RSRC1: variants seen among roughly 807,000 people sequenced by gnomAD.
RSRC1 encodes the protein serine/Arginine-related protein 53.
A neutral mutation model predicts 49.1 loss-of-function variants in RSRC1; 39 were observed. The ratio of observed to expected loss-of-function variants is 0.79; its 90% CI spans 0.61 to 1.04. RSRC1 has a LOEUF of 1.04. Among genes scored for constraint, RSRC1 ranks in the 50% least tolerant of loss-of-function variants. The probability of loss-of-function intolerance (pLI) is 0.00; values close to 1 mark genes in which losing one functional copy is unlikely to be tolerated. For missense variants in RSRC1, 388 were observed against 402.4 expected, an observed-to-expected ratio of 0.96 and a Z score of 0.31; for synonymous variants, 143 against 130.8, an observed-to-expected ratio of 1.09 and a Z score of -0.63.
At chr3:158,487,533 G>T (rs149601540) in intron 7 of RSRC1, among the ~76,000 whole-genome samples, 1,641 of 152,200 alleles carry the variant, frequency 0.011, 31 homozygotes, top group African/African-American at 0.038. Flanking sequence ...CACATGAAAG[G>T]TCAACTAAGT....
intron 7 of RSRC1, among the ~76,000 whole-genome samples, chr3:158,485,536 C>G (rs143443947): frequency 2.0e-5 from 3 of 152,058 alleles, no homozygotes; most frequent in African/African-American, 7.2e-5. Context: ...AATTAAAACC[C>G]ATGTGGCTAG....
chr3:158,202,906 C>G (rs1359377153), intron 3 of RSRC1, among the ~76,000 whole-genome samples, 166 bp from the exon 4 acceptor site: 2 of 152,048 alleles, frequency 1.3e-5, no homozygotes, highest in Non-Finnish European at 2.9e-5. Context: ...TAAGTGAGAG[C>G]ATTTACTTAT....
At chr3:158,226,485 G>T (rs1269959503) in intron 4 of RSRC1, among the ~76,000 whole-genome samples, 1 of 151,886 alleles carries the variant, frequency 6.6e-6, no homozygotes. Context: ...ATATGTAACT[G>T]TTGCTTATAT....
At chr3:158,391,919 T>G (rs1183187639) in intron 6 of RSRC1, among the ~76,000 whole-genome samples, 1 of 152,102 alleles carries the variant, frequency 6.6e-6, no homozygotes, top group Non-Finnish European at 1.5e-5. Flanking sequence ...CACTTTATAA[T>G]GTAAAGCACA....
intron 6 of RSRC1, among the ~76,000 whole-genome samples, chr3:158,398,697 A>G (rs947058253): frequency 6.6e-6 from 1 of 152,166 alleles, no homozygotes; most frequent in Non-Finnish European, 1.5e-5. Context: ...CCTGTCTGCT[A>G]TAATCTATAG....
intron 4 of RSRC1, among the ~76,000 whole-genome samples, chr3:158,206,118 T>G (rs1344457351): frequency 6.6e-6 from 1 of 152,226 alleles, no homozygotes; most frequent in Non-Finnish European, 1.5e-5. Context: ...ATTTCTGGCT[T>G]AAACTATGAG....
chr3:158,135,268 T>C (rs1716294450), intron 3 of RSRC1, among the ~76,000 whole-genome samples: 1 of 118,112 alleles, frequency 8.5e-6, no homozygotes, highest in African/African-American at 3.7e-5. Context: ...CAAATTATAG[T>C]GTAATTTTTT....
At chr3:158,267,664 T>G (rs1333850902) in intron 4 of RSRC1, among the ~76,000 whole-genome samples, 1 of 151,928 alleles carries the variant, frequency 6.6e-6, no homozygotes, top group Non-Finnish European at 1.5e-5. Flanking sequence ...TGCTTTTACC[T>G]TTAGAATTTT....
chr3:158,478,344 C>T (rs1389766159), intron 7 of RSRC1, among the ~76,000 whole-genome samples: 1 of 151,122 alleles, frequency 6.6e-6, no homozygotes, highest in Non-Finnish European at 1.5e-5. Context: ...CTTTATCTAA[C>T]CTACATCTAT....
At chr3:158,211,473 A>C (rs1422046274) in intron 4 of RSRC1, among the ~76,000 whole-genome samples, 2 of 151,934 alleles carry the variant, frequency 1.3e-5, no homozygotes, top group Admixed American at 6.6e-5. Context: ...TAGATTCAAA[A>C]CTAGCTTCTT....
At chr3:158,309,930 G>A (rs1052181096) in intron 5 of RSRC1, among the ~76,000 whole-genome samples, 3 of 151,546 alleles carry the variant, frequency 2.0e-5, no homozygotes, top group Admixed American at 1.3e-4. Flanking sequence ...CTATTCTGTA[G>A]CATTTAAGAT....
chr3:158,385,668 T>C (rs1225902660), intron 6 of RSRC1, among the ~76,000 whole-genome samples: 2 of 152,186 alleles, frequency 1.3e-5, no homozygotes, highest in Non-Finnish European at 2.9e-5. Context: ...TTTTTTTAAA[T>C]GTTTTCATTT....
rs1286282212 is a variant in RSRC1, at chr3:158,229,357, CAT to C, written c.494+26116_494+26117del. Among the ~76,000 whole-genome samples the C allele has an allele frequency of 3.7e-3, 316 of 84,906 alleles. 1 individual carries two copies. Among genetic ancestry groups the C allele is most frequent in the African/African-American group, 9.7e-3 (290 of 29,850 alleles). 55.7% of individuals were successfully genotyped at this position (84,906 alleles called of 152,430 possible). ...ATGTGTATGTATGTATATATATACACATATACACACGTATATGTGTATGTATG... is the reference window on the plus strand; with the variant it reads ...ATGTGTATGTATGTATATATATACACATACACACGTATATGTGTATGTATG... On this transcript the variant is annotated intron_variant, in intron 4 of 9. Transcript: ENST00000611884.
intron 4 of RSRC1, among the ~76,000 whole-genome samples, chr3:158,213,339 T>G (rs1215556788): frequency 6.6e-6 from 1 of 151,898 alleles, no homozygotes. Flanking sequence ...CAACATATCT[T>G]AGATTTCAAG....
At chr3:158,521,064 GACATA>G (rs1205944169) in intron 7 of RSRC1, among the ~76,000 whole-genome samples, 1 of 152,054 alleles carries the variant, frequency 6.6e-6, no homozygotes, top group Non-Finnish European at 1.5e-5. Flanking sequence ...CAAATTTTGA[GACATA>G]ACAGAATGAT....
At chr3:158,472,327 A>G (rs1195146338) in intron 7 of RSRC1, among the ~76,000 whole-genome samples, 1 of 152,032 alleles carries the variant, frequency 6.6e-6, no homozygotes, top group African/African-American at 2.4e-5. Flanking sequence ...AAATATTCTC[A>G]CAGACTTTCA....
chr3:158,209,823 A>G (rs1391963195), intron 4 of RSRC1, among the ~76,000 whole-genome samples: 2 of 152,134 alleles, frequency 1.3e-5, no homozygotes, highest in African/African-American at 4.8e-5. Context: ...GGATGGTGGT[A>G]CTTAAAAAGC....
chr3:158,155,886 A>G (rs1238683866), intron 3 of RSRC1, among the ~76,000 whole-genome samples: 1 of 152,200 alleles, frequency 6.6e-6, no homozygotes, highest in African/African-American at 2.4e-5. Flanking sequence ...TAGATTTAGC[A>G]TAATTCTTAA....
At chr3:158,276,828 A>T (rs940047535) in intron 4 of RSRC1, among the ~76,000 whole-genome samples, 3 of 152,284 alleles carry the variant, frequency 2.0e-5, no homozygotes, top group East Asian at 3.9e-4. Context: ...ATCAATATTT[A>T]TCTTAGTGAT....
Sources: gnomAD v4.1 joint callset for allele counts (sites outside exome capture counted in the v4.1 genomes callset) on GRCh38, gnomAD v4.1.1 for gene constraint, MANE v1.5 for transcripts, NCBI Gene and HGNC (gene_info 2026-07-23, HGNC 2026-07-21) for gene names.